The following RFTN2 variants were observed in gnomAD, a reference collection of about 807,000 sequenced individuals.
The protein encoded by RFTN2 is raftlin family member 2, also known as raftlin-2.
A neutral mutation model predicts 52.7 loss-of-function variants in RFTN2; 34 were observed. The observed-to-expected ratio is 0.64, with a 90% CI of 0.49 to 0.86. The LOEUF is 0.86. Among genes scored for constraint, RFTN2 ranks in the 40% least tolerant of loss-of-function variants. RFTN2 has a pLI of 0.00. For missense variants in RFTN2, 536 were observed against 600.1 expected (o/e 0.89, Z 1.12); for synonymous variants, 203 against 217.7 (o/e 0.93, Z 0.59).
At chr2:197,673,843 G>A (rs2089178070) in intron 1 of RFTN2, among the ~76,000 whole-genome samples, 1 of 152,192 alleles carries the variant, frequency 6.6e-6, no homozygotes, top group South Asian at 2.1e-4. Flanking sequence ...ACAATGGGTT[G>A]TGCAGAGAAT....
At chr2:197,597,661 G>A (rs1257388568) in intron 7 of RFTN2, among the ~76,000 whole-genome samples, 1 of 152,074 alleles carries the variant, frequency 6.6e-6, no homozygotes, top group East Asian at 1.9e-4. Context: ...TGGGATCACA[G>A]GCATGTACCA....
intron 8 of RFTN2, among the ~76,000 whole-genome samples, chr2:197,574,180 C>A (rs1382153208): frequency 1.3e-5 from 2 of 152,184 alleles, no homozygotes; most frequent in East Asian, 1.9e-4. Context: ...GCACTGTGCA[C>A]CTGGAAAAGC....
rs760149038 is a variant in RFTN2, at chr2:197,568,488, C to A, written c.*3520G>T. 6.6e-6 allele frequency: 1 copy of A among 152,126 alleles called. No homozygotes were observed. The highest frequency in any genetic ancestry group is 1.5e-5 in the Non-Finnish European group (1 of 68,034). The allele number at this position is 152,126 out of a possible 1,614,324, so 9.4% of individuals were successfully genotyped here. A position where few individuals can be genotyped will look rare whatever the true frequency, so the allele number is the denominator to read the frequency against. On this transcript the variant is annotated 3_prime_UTR_variant, in exon 9 of 9. Transcript: ENST00000295049. Reference sequence around the variant, plus strand: ...CACTATTACACAAATAAAATTCATTCTCAAGGGATGATAGATTACCAGCAA... The same window carrying A: ...CACTATTACACAAATAAAATTCATTATCAAGGGATGATAGATTACCAGCAA...
rs925358820 is a variant in RFTN2 at position 197,570,595 on chromosome 2, C to G, written c.*1413G>C. The G allele has an allele frequency of 3.3e-5, 5 of 152,134 alleles. No individual in the cohort carries two copies. Among genetic ancestry groups the G allele is most frequent in the African/African-American group, 1.2e-4 (5 of 41,438 alleles). 9.4% of individuals were successfully genotyped at this position (152,134 alleles called of 1,614,324 possible). ...TACAAAAATTAGCTGGGCGTGGTGG[C>G]GCACACTGGCTGTAGTTCCAGCTAA... is the stretch of plus-strand genomic sequence containing the variant. On this transcript the variant is annotated 3_prime_UTR_variant, in exon 9 of 9. Transcript: ENST00000295049.
intron 1 of RFTN2, among the ~76,000 whole-genome samples, chr2:197,657,541 A>G (rs2106263129): frequency 6.6e-6 from 1 of 152,284 alleles, no homozygotes; most frequent in African/African-American, 2.4e-5. Flanking sequence ...CACATCTCTA[A>G]ACTGAAGCAG....
Position 197,572,177 on chromosome 2 carries a change from A to G in RFTN2, c.1337T>C (p.Leu446Pro), listed in dbSNP as rs2106156287. ...TSSQPAESRHLPEECRLSPSR... is the reference protein window; with the variant it reads ...TSSQPAESRHPPEECRLSPSR... ...GGGAGAAAGGCGGCACTCCTCAGGC[A>G]GGTGTCTGCTCTCTGCAGGTTGTGA... The change falls in exon 9 of 9, where the codon CTG becomes CCG. Residue 446 changes from leucine to proline, a missense_variant. Coordinates refer to ENST00000295049, the MANE Select transcript of RFTN2 (RefSeq NM_144629.3). 1 of 1,614,248 alleles carries G rather than the reference A, an allele frequency of 6.2e-7. No individual in the cohort carries two copies. Among genetic ancestry groups the G allele is most frequent in the Non-Finnish European group, 8.5e-7 (1 of 1,180,048 alleles).
rs148419756 is a variant in RFTN2, at chr2:197,671,730, G to T, written c.139+3590C>A. 3.7e-3 allele frequency among the ~76,000 whole-genome samples: 562 copies of T among 152,244 alleles called. 3 individuals are homozygous for T. Among genetic ancestry groups the T allele is most frequent in the African/African-American group, 0.013 (539 of 41,536 alleles). On this transcript the variant is annotated intron_variant, in intron 1 of 8. Coordinates refer to ENST00000295049, the MANE Select transcript of RFTN2 (RefSeq NM_144629.3). Reference sequence around the variant, plus strand: ...TCTAATAATAATGAAGCAAGCTAGAGGCTAGCAAAATTTCACTCACATTTT... The same window carrying T: ...TCTAATAATAATGAAGCAAGCTAGATGCTAGCAAAATTTCACTCACATTTT...
chr2:197,652,111 G>A (rs79745588), intron 1 of RFTN2, among the ~76,000 whole-genome samples: 25,949 of 152,168 alleles, frequency 0.17, 2,464 homozygotes, highest in Middle Eastern at 0.27. Flanking sequence ...AGGCCGGGTG[G>A]TAATTATGAT....
At chr2:197,640,585 G>T (rs2088653832) in intron 3 of RFTN2, among the ~76,000 whole-genome samples, 1 of 152,246 alleles carries the variant, frequency 6.6e-6, no homozygotes, top group Admixed American at 6.5e-5. Flanking sequence ...GCCTCGCCCT[G>T]CTTCGGCTCG....
intron 7 of RFTN2, among the ~76,000 whole-genome samples, chr2:197,598,096 C>T (rs2087820804): frequency 6.6e-6 from 1 of 152,098 alleles, no homozygotes; most frequent in Non-Finnish European, 1.5e-5. Flanking sequence ...AGGAGGATCC[C>T]TTGAGCCCAG....
At chr2:197,654,403 C>T (rs2088865493) in intron 1 of RFTN2, among the ~76,000 whole-genome samples, 1 of 151,344 alleles carries the variant, frequency 6.6e-6, no homozygotes, top group Admixed American at 6.6e-5. Context: ...TTAAAACAAA[C>T]AAAAAAATCA....
At chr2:197,584,075 C>T (rs779543232) in intron 8 of RFTN2, among the ~76,000 whole-genome samples, 18 of 152,162 alleles carry the variant, frequency 1.2e-4, no homozygotes, top group African/African-American at 3.9e-4. Context: ...TGAATAGTGC[C>T]GCGATAAACA....
rs188874930 is a variant in RFTN2, at chr2:197,631,642, G to A, written c.719-422C>T. Among the ~76,000 whole-genome samples, 17 of 152,162 alleles carry A rather than the reference G, an allele frequency of 1.1e-4. No individual in the cohort carries two copies. In the East Asian group the frequency reaches 2.1e-3, roughly 19 times the overall value. On this transcript the variant is annotated intron_variant, in intron 4 of 8. Transcript: ENST00000295049. ...GTAAATAACCATATAGATCTTATTC[G>A]TTTATTTTAACTGCTACATAGTATG...
At chr2:197,625,689 C>T (rs184623594) in intron 5 of RFTN2, among the ~76,000 whole-genome samples, 1 of 133,258 alleles carries the variant, frequency 7.5e-6, no homozygotes, top group Non-Finnish European at 1.6e-5. Context: ...CTCTCCTCTC[C>T]TCTCCTCTCC....
intron 8 of RFTN2, among the ~76,000 whole-genome samples, chr2:197,584,220 T>G (rs902509742): frequency 6.6e-6 from 1 of 152,202 alleles, no homozygotes; most frequent in Non-Finnish European, 1.5e-5. Context: ...CCACAATGGT[T>G]GAACCAGTTT....
rs1553601950 is a variant in RFTN2, at chr2:197,616,309, A to ATTTTATTTTATTTTATTTTATTTATTTT, written c.1051-331_1051-330insAAAATAAATAAAATAAAATAAAATAAAA. On this transcript the variant is annotated intron_variant, in intron 6 of 8. Coordinates refer to ENST00000295049, the MANE Select transcript of RFTN2 (RefSeq NM_144629.3). ...ATTTTATTTTATTTTATTTTATTTT[A>ATTTTATTTTATTTTATTTTATTTATTTT]AAGAGAGGGTCTCATTCCTACATCC... Among the ~76,000 whole-genome samples, 56 of 125,092 alleles carry ATTTTATTTTATTTTATTTTATTTATTTT rather than the reference A, an allele frequency of 4.5e-4. 4 individuals are homozygous for ATTTTATTTTATTTTATTTTATTTATTTT. Among genetic ancestry groups the ATTTTATTTTATTTTATTTTATTTATTTT allele is most frequent in the African/African-American group, 1.6e-3 (54 of 32,820 alleles). 82.1% of individuals were successfully genotyped at this position (125,092 alleles called of 152,430 possible).
chr2:197,624,597 C>CAAAA (rs746144794), intron 5 of RFTN2, among the ~76,000 whole-genome samples: 349 of 57,654 alleles, frequency 6.1e-3, no homozygotes, highest in Non-Finnish European at 7.4e-3. Context: ...GACTCTGTCT[C>CAAAA]AAAAAAAAAA....
chr2:197,643,191 C>G (rs2106248513), intron 3 of RFTN2, among the ~76,000 whole-genome samples: 1 of 152,242 alleles, frequency 6.6e-6, no homozygotes, highest in African/African-American at 2.4e-5. Flanking sequence ...TCAGGTGATC[C>G]TCCTGTCTTA....
chr2:197,612,945 T>C (rs1002860218), intron 7 of RFTN2, among the ~76,000 whole-genome samples: 58 of 152,214 alleles, frequency 3.8e-4, no homozygotes, highest in Admixed American at 3.4e-3. Flanking sequence ...AGGAAGAATG[T>C]TTTCACTGAC....
Sources: gnomAD v4.1 joint callset for allele counts (sites outside exome capture counted in the v4.1 genomes callset) on GRCh38, gnomAD v4.1.1 for gene constraint, MANE v1.5 for transcripts, NCBI Gene and HGNC (gene_info 2026-07-23, HGNC 2026-07-21) for gene names.